Variants in NEDD9 observed in about 807,000 individuals in gnomAD.
The protein encoded by NEDD9 is neural precursor cell expressed, developmentally down-regulated 9, also known as enhancer of filamentation 1.
In NEDD9, 26 loss-of-function variants were observed where a neutral mutation model predicts 76.6. That is an observed-to-expected ratio of 0.34 (90% CI 0.25 to 0.47). NEDD9 has a LOEUF of 0.47. Ranked by LOEUF, NEDD9 falls within the 20% of genes least tolerant of loss-of-function variation. The pLI is 1.00. For missense variants in NEDD9, 937 were observed against 1,058.5 expected, an observed-to-expected ratio of 0.89 and a Z score of 1.59; for synonymous variants, 392 against 414.2, an observed-to-expected ratio of 0.95 and a Z score of 0.65.
chr6:11,306,870 C>T (rs1486060571), intron 2 of NEDD9, among the ~76,000 whole-genome samples: 4 of 152,238 alleles, frequency 2.6e-5, no homozygotes, highest in East Asian at 1.9e-4. Context: ...ACTGGGCTTT[C>T]GGTGAGTTAG....
intron 1 of NEDD9, among the ~76,000 whole-genome samples, chr6:11,363,304 G>A (rs929708321): frequency 6.6e-6 from 1 of 152,164 alleles, no homozygotes; most frequent in Non-Finnish European, 1.5e-5. Context: ...AGAAGTAGGT[G>A]GGAGAAATTT....
At chr6:11,214,723 C>T (rs980296096) in intron 1 of NEDD9, among the ~76,000 whole-genome samples, 7 of 152,320 alleles carry the variant, frequency 4.6e-5, no homozygotes, top group African/African-American at 9.6e-5. Context: ...CAGCCATTCC[C>T]GCATGTCTGC....
intron 3 of NEDD9, 132 bp downstream of exon 3, chr6:11,193,459 G>A (rs1758212008): frequency 8.9e-6 from 5 of 558,950 alleles, no homozygotes; most frequent in Middle Eastern, 4.8e-4. Flanking sequence ...TGGCTACTGG[G>A]TAGACAACCT....
rs201358869 is a variant in NEDD9 at position 11,190,117 on chromosome 6, G to C, written c.1752C>G (p.Ser584=). The part of the protein sequence containing the change: ...MNSTEYPHGG[S]QGQLLHPGDH... ...CACCAGGATGCAGCAGCTGTCCCTG[G>C]GAGCCACCGTGTGGGTACTCCGTTG... Residue 584 remains serine, a synonymous_variant, in exon 5 of 7, where the codon TCC becomes TCG. Transcript: ENST00000379446. This position sits in a 1 kb window ranked among gnomAD's most constrained non-coding sequence, Gnocchi z 5.8. 4 of 1,612,542 alleles carry C rather than the reference G, an allele frequency of 2.5e-6. No homozygotes were observed. The highest frequency in any genetic ancestry group is 1.3e-5 in the African/African-American group (1 of 74,924).
At chr6:11,295,739 C>T (rs755696903) in intron 3 of NEDD9, among the ~76,000 whole-genome samples, 2 of 152,180 alleles carry the variant, frequency 1.3e-5, no homozygotes, top group African/African-American at 2.4e-5. Context: ...CCTCCTCTGC[C>T]TAATCCTGCT....
At chr6:11,188,701 C>T (rs1236283818) in intron 5 of NEDD9, among the ~76,000 whole-genome samples, 3 of 152,158 alleles carry the variant, frequency 2.0e-5, no homozygotes, top group Admixed American at 6.5e-5. Flanking sequence ...TGCTCCAAGG[C>T]AGTAGTTCCC....
intron 2 of NEDD9, among the ~76,000 whole-genome samples, chr6:11,324,241 C>T (rs1435719052): frequency 6.6e-6 from 1 of 152,224 alleles, no homozygotes; most frequent in Non-Finnish European, 1.5e-5. Context: ...GCTTTTCTCC[C>T]TCCACTTTGA....
chr6:11,228,761 T>C (rs1336509887), intron 1 of NEDD9, among the ~76,000 whole-genome samples: 2 of 152,186 alleles, frequency 1.3e-5, no homozygotes, highest in African/African-American at 4.8e-5. Flanking sequence ...GGTAAGCCAT[T>C]TAGCTCTGCA....
At chr6:11,319,580 TCACA>T (rs1158928018) in intron 2 of NEDD9, among the ~76,000 whole-genome samples, 3 of 107,730 alleles carry the variant, frequency 2.8e-5, no homozygotes, top group Non-Finnish European at 3.9e-5. Flanking sequence ...TAATATGCAC[TCACA>T]CTAACGCACA....
chr6:11,327,909 A>G (rs773219578), intron 2 of NEDD9, among the ~76,000 whole-genome samples: 4 of 152,234 alleles, frequency 2.6e-5, no homozygotes, highest in Non-Finnish European at 5.9e-5. Flanking sequence ...GGGAGCAGGA[A>G]TGGAACAGCT....
At chr6:11,293,223 C>T (rs1760817678) in intron 3 of NEDD9, among the ~76,000 whole-genome samples, 1 of 150,100 alleles carries the variant, frequency 6.7e-6, no homozygotes, top group African/African-American at 2.5e-5. Flanking sequence ...AATCTTGCAA[C>T]AGTCCAATAA....
At chr6:11,293,545 T>A (rs1051860084) in intron 3 of NEDD9, among the ~76,000 whole-genome samples, 2 of 152,224 alleles carry the variant, frequency 1.3e-5, no homozygotes, top group East Asian at 3.8e-4. Flanking sequence ...GATGCTTTGA[T>A]ATACATATAC....
intron 3 of NEDD9, among the ~76,000 whole-genome samples, chr6:11,280,587 G>A (rs1193173322): frequency 6.6e-6 from 1 of 152,192 alleles, no homozygotes; most frequent in Admixed American, 6.5e-5. Flanking sequence ...TCCACTGGGC[G>A]GCTCCTCTGC....
intron 3 of NEDD9, among the ~76,000 whole-genome samples, chr6:11,261,222 C>A (rs995151596): frequency 2.6e-5 from 4 of 152,076 alleles, no homozygotes; most frequent in Non-Finnish European, 4.4e-5. Context: ...GATTATCAAG[C>A]GTTTTCACAT....
intron 1 of NEDD9, among the ~76,000 whole-genome samples, chr6:11,337,353 T>C (rs890998866): frequency 6.6e-6 from 1 of 152,240 alleles, no homozygotes; most frequent in African/African-American, 2.4e-5. Context: ...AAGTATACTA[T>C]AGTAAAAACA....
intron 2 of NEDD9, among the ~76,000 whole-genome samples, chr6:11,310,864 A>G (rs1257588160): frequency 6.6e-6 from 1 of 152,116 alleles, no homozygotes; most frequent in Admixed American, 6.5e-5. Flanking sequence ...AACTTCCTCA[A>G]CTTCCCTCCT....
chr6:11,274,279 A>G (rs947300994), intron 3 of NEDD9, among the ~76,000 whole-genome samples: 8 of 152,148 alleles, frequency 5.3e-5, no homozygotes, highest in African/African-American at 1.7e-4. Context: ...GGGAGTGTCC[A>G]TGTCTTATGT....
chr6:11,269,733 T>A (rs1425256392), intron 3 of NEDD9, among the ~76,000 whole-genome samples: 1 of 152,232 alleles, frequency 6.6e-6, no homozygotes, highest in Admixed American at 6.5e-5. Flanking sequence ...AATTGAGTTG[T>A]GCCAGGTTAA....
At chr6:11,377,880 C>A (rs1467901408) in intron 1 of NEDD9, among the ~76,000 whole-genome samples, 1 of 152,066 alleles carries the variant, frequency 6.6e-6, no homozygotes, top group Non-Finnish European at 1.5e-5. Context: ...GCGGGTGGAT[C>A]CCTTATGAAT....
Sources: gnomAD v4.1 joint callset for allele counts (sites outside exome capture counted in the v4.1 genomes callset) on GRCh38, gnomAD v4.1.1 for gene constraint, Gnocchi (gnomAD v3.1) non-coding constraint, MANE v1.5 for transcripts, NCBI Gene and HGNC (gene_info 2026-07-23, HGNC 2026-07-21) for gene names.